DCC: variants seen among roughly 807,000 people sequenced by gnomAD.
The protein encoded by DCC is DCC netrin 1 receptor.
DCC carries 58 observed loss-of-function variants against 172.5 expected under a neutral mutation model. That is an observed-to-expected ratio of 0.34 (90% CI 0.27 to 0.42). The LOEUF is 0.42. Ranked by LOEUF, DCC falls within the 10% of genes least tolerant of loss-of-function variation. The probability of loss-of-function intolerance (pLI) is 1.00; values close to 1 mark genes in which losing one functional copy is unlikely to be tolerated. For synonymous variants in DCC, 709 were observed against 644.5 expected, an observed-to-expected ratio of 1.10 and a Z score of -1.52; for missense variants, 1,740 against 1,791.0, an observed-to-expected ratio of 0.97 and a Z score of 0.51.
intron 2 of DCC, among the ~76,000 whole-genome samples, chr18:52,786,670 C>T (rs1057299723): frequency 6.6e-6 from 1 of 152,072 alleles, no homozygotes; most frequent in Non-Finnish European, 1.5e-5. Context: ...TCTCTAATAC[C>T]TGTGAGTTGG....
rs1162027556 is a variant in DCC at position 53,003,611 on chromosome 18, TTC to T, written c.986-59692_986-59691del. Among the ~76,000 whole-genome samples, 8 of 152,132 alleles carry T rather than the reference TTC, an allele frequency of 5.3e-5. No individual in the cohort carries two copies. In the South Asian group the frequency reaches 6.2e-4, roughly 12 times the overall value. On this transcript the variant is annotated intron_variant, in intron 5 of 28. Transcript: ENST00000442544. ...AGAAGAGAGTGGCTGTCCAAAGACTTTCTATACCTATCTCAGTGCCTGTTGTA... is the reference window on the plus strand; with the variant it reads ...AGAAGAGAGTGGCTGTCCAAAGACTTTATACCTATCTCAGTGCCTGTTGTA...
At chr18:52,947,011 C>T (rs184945954) in intron 5 of DCC, among the ~76,000 whole-genome samples, 49 of 143,898 alleles carry the variant, frequency 3.4e-4, no homozygotes, top group Admixed American at 5.7e-4. Context: ...ACCTCACCTG[C>T]TTCATTGCCC....
At chr18:53,179,395 T>G (rs12455474) in intron 9 of DCC, among the ~76,000 whole-genome samples, 56,267 of 152,104 alleles carry the variant, frequency 0.37, 11,529 homozygotes, top group South Asian at 0.6. Context: ...GATTTACTCT[T>G]CCTGACAGTA....
At chr18:53,480,706 C>T (rs966307440) in intron 25 of DCC, 3 of 152,070 alleles carry the variant, frequency 2.0e-5, no homozygotes, top group African/African-American at 7.2e-5. Context: ...CTCTTAAATC[C>T]TCACAACCAC....
At chr18:52,670,937 C>T (rs918762658) in intron 1 of DCC, among the ~76,000 whole-genome samples, 2 of 152,152 alleles carry the variant, frequency 1.3e-5, no homozygotes, top group Admixed American at 1.3e-4. Flanking sequence ...TTTTGACTCT[C>T]TATGTAAAAT....
rs183215918 is a variant in DCC at position 52,535,192 on chromosome 18, T to A, written c.91+194314T>A. On this transcript the variant is annotated intron_variant, in intron 1 of 28. Transcript: ENST00000442544. ...ACCAGTGACAGTAATCATACATCACTTTCCACTGTGGAATCTTCACTCACT... is the reference window on the plus strand; with the variant it reads ...ACCAGTGACAGTAATCATACATCACATTCCACTGTGGAATCTTCACTCACT... Among the ~76,000 whole-genome samples the A allele has an allele frequency of 1.9e-4, 29 of 152,274 alleles. No homozygotes were observed. In the East Asian group the frequency reaches 5.6e-3, roughly 29 times the overall value.
intron 12 of DCC, among the ~76,000 whole-genome samples, chr18:53,224,649 G>A (rs1598922415): frequency 6.6e-6 from 1 of 152,228 alleles, no homozygotes; most frequent in East Asian, 1.9e-4. Flanking sequence ...GAAACAATCA[G>A]GGTCTGTGCT....
chr18:52,739,831 A>G (rs2036791053), intron 1 of DCC, among the ~76,000 whole-genome samples: 1 of 152,174 alleles, frequency 6.6e-6, no homozygotes, highest in Non-Finnish European at 1.5e-5. Context: ...TTTCATATAC[A>G]TTATAAAAAC....
At chr18:52,565,149 A>G (rs934845103) in intron 1 of DCC, among the ~76,000 whole-genome samples, 3 of 152,046 alleles carry the variant, frequency 2.0e-5, no homozygotes, top group Non-Finnish European at 4.4e-5. Context: ...AAACATTTAT[A>G]TTTTTTCAAA....
chr18:52,798,084 T>TTGCACGAAGGTTGCTTGCACG (rs1555664365), intron 2 of DCC, among the ~76,000 whole-genome samples: 3 of 152,172 alleles, frequency 2.0e-5, no homozygotes, highest in Admixed American at 6.5e-5. Flanking sequence ...GCACAAAGGC[T>TTGCACGAAGGTTGCTTGCACG]ACACATAGCA....
intron 1 of DCC, among the ~76,000 whole-genome samples, chr18:52,682,577 C>T (rs1299461752): frequency 6.6e-6 from 1 of 152,070 alleles, no homozygotes; most frequent in Non-Finnish European, 1.5e-5. Context: ...TCATACATTC[C>T]TTATTTCACT....
At chr18:53,427,903 A>T (rs1169001024) in intron 21 of DCC, among the ~76,000 whole-genome samples, 1 of 65,362 alleles carries the variant, frequency 1.5e-5, no homozygotes, top group Non-Finnish European at 3.1e-5. Context: ...TAAATTATAT[A>T]TAATATATAA....
At chr18:53,044,835 T>C (rs541704034) in intron 5 of DCC, among the ~76,000 whole-genome samples, 2 of 151,984 alleles carry the variant, frequency 1.3e-5, no homozygotes, top group East Asian at 3.9e-4. Flanking sequence ...TATTTCAGGT[T>C]ACATTTTTGT....
intron 26 of DCC, among the ~76,000 whole-genome samples, chr18:53,487,492 A>G (rs2045915240): frequency 6.8e-6 from 1 of 147,642 alleles, no homozygotes; most frequent in African/African-American, 2.5e-5. Context: ...TCAAGCTATT[A>G]TATACACCCT....
chr18:52,768,418 T>C (rs915833088), intron 2 of DCC, among the ~76,000 whole-genome samples: 3 of 152,148 alleles, frequency 2.0e-5, no homozygotes, highest in South Asian at 2.1e-4. Flanking sequence ...TCAACACAGG[T>C]CAGGGCTGCT....
chr18:53,351,440 A>ACT (rs1491100328), intron 15 of DCC, among the ~76,000 whole-genome samples: 1,537 of 43,684 alleles, frequency 0.035, 216 homozygotes, highest in African/African-American at 0.15. Flanking sequence ...ATATATATAC[A>ACT]GTGTATATAT....
chr18:52,692,437 G>GTATTTTATTT (rs748559358), intron 1 of DCC, among the ~76,000 whole-genome samples: 2 of 151,922 alleles, frequency 1.3e-5, no homozygotes, highest in South Asian at 4.1e-4. Flanking sequence ...GTCTCTCTCT[G>GTATTTTATTT]TATTTTATTT....
intron 14 of DCC, among the ~76,000 whole-genome samples, chr18:53,332,723 T>C (rs1197636149): frequency 6.6e-6 from 1 of 152,018 alleles, no homozygotes; most frequent in African/African-American, 2.4e-5. Flanking sequence ...CTAAGGAAAT[T>C]TTGGCAGTGA....
chr18:53,156,153 T>C (rs1170269413), intron 7 of DCC, among the ~76,000 whole-genome samples: 1 of 152,180 alleles, frequency 6.6e-6, no homozygotes, highest in Non-Finnish European at 1.5e-5. Flanking sequence ...TCTTTTCTAC[T>C]ATGAAACATA....
Sources: gnomAD v4.1 joint callset for allele counts (sites outside exome capture counted in the v4.1 genomes callset) on GRCh38, gnomAD v4.1.1 for gene constraint, MANE v1.5 for transcripts, NCBI Gene and HGNC (gene_info 2026-07-23, HGNC 2026-07-21) for gene names.